KIF27: variants seen among roughly 807,000 people sequenced by gnomAD.
KIF27 encodes the protein kinesin-like protein KIF27.
KIF27 carries 84 observed loss-of-function variants against 141.8 expected under a neutral mutation model. The ratio of observed to expected loss-of-function variants is 0.59; its 90% confidence interval spans 0.50 to 0.71. The LOEUF (loss-of-function observed/expected upper bound fraction) is 0.71, where lower values mean the gene tolerates loss of function less well. Ranked by LOEUF, KIF27 falls within the 30% of genes least tolerant of loss-of-function variation. KIF27 has a pLI of 0.00. For missense variants in KIF27, 1,306 were observed against 1,628.4 expected, an observed-to-expected ratio of 0.80 and a Z score of 3.41; for synonymous variants, 471 against 569.5, an observed-to-expected ratio of 0.83 and a Z score of 2.46.
chr9:83,869,221 T>C (rs1382608251), intron 12 of KIF27, among the ~76,000 whole-genome samples: 1 of 152,150 alleles, frequency 6.6e-6, no homozygotes, highest in Non-Finnish European at 1.5e-5. Flanking sequence ...AGAGAATAAA[T>C]CTTTCTAAAG....
chr9:83,918,647 C>G (rs746629138), intron 1 of KIF27, among the ~76,000 whole-genome samples: 1 of 152,120 alleles, frequency 6.6e-6, no homozygotes. Flanking sequence ...CAATCAAAAT[C>G]ACAATGAGAG....
At chr9:83,841,757 T>C (rs187206476) in intron 17 of KIF27, among the ~76,000 whole-genome samples, 1 of 152,204 alleles carries the variant, frequency 6.6e-6, no homozygotes. Context: ...AATCTACATA[T>C]CTACATATGA....
chr9:83,869,086 TA>T (rs1394488566), intron 12 of KIF27, among the ~76,000 whole-genome samples: 1 of 152,250 alleles, frequency 6.6e-6, no homozygotes, highest in African/African-American at 2.4e-5. Flanking sequence ...AAGCTCCACT[TA>T]AAAGGAAAAA....
Position 83,880,390 on chromosome 9 carries a change from A to G in KIF27, c.2550T>C (p.Tyr850=). The G allele has an allele frequency of 1.2e-6, 2 of 1,601,768 alleles. No individual in the cohort carries two copies. The highest frequency in any genetic ancestry group is 1.4e-5 in the African/African-American group (1 of 72,644). ...ELEQSVDHMK[Y]QKIQLQRKLR... ...GTTTTCTTTGTAGCTGTATCTTTTG[A>G]TATTTCATGTGATCTACACTCTGCT... Residue 850 remains tyrosine (Y), a synonymous_variant, in exon 11 of 18, where the codon TAT becomes TAC. Transcript: ENST00000297814.
rs1221819230 is a variant in KIF27 at position 83,889,292 on chromosome 9, A to G, written c.1810-39T>C. On this transcript the variant is annotated intron_variant, in intron 6 of 17. Coordinates refer to ENST00000297814, the MANE Select transcript of KIF27 (RefSeq NM_017576.4). The stretch of plus-strand genomic sequence containing the variant: ...CCCCCACCCAACAACAAAAAAAGTG[A>G]TATTTTAAAAGTCTAATTTTATCCT... 2.6e-6 allele frequency: 4 copies of G among 1,555,306 alleles called. No homozygotes were observed. The South Asian group carries it at 3.7e-5, about 14-fold the overall frequency.
chr9:83,859,066 A>T, intron 14 of KIF27, 90 bp downstream of exon 14: 1 of 981,586 alleles, frequency 1.0e-6, no homozygotes, highest in African/African-American at 1.6e-5. Flanking sequence ...AGTTTACCAG[A>T]TAATATTTAT....
intron 16 of KIF27, chr9:83,849,607 T>C (rs1467242219): frequency 6.3e-6 from 1 of 159,302 alleles, no homozygotes; most frequent in African/African-American, 2.4e-5. Context: ...TGCCCATCAA[T>C]GGCAGTATAA....
chr9:83,874,758 A>C (rs1248133628), intron 11 of KIF27, among the ~76,000 whole-genome samples: 1 of 151,456 alleles, frequency 6.6e-6, no homozygotes, highest in Non-Finnish European at 1.5e-5. Context: ...ATATAGTAAG[A>C]CCCTATCTCT....
chr9:83,916,578 C>T (rs1041045239), intron 1 of KIF27, among the ~76,000 whole-genome samples: 1 of 151,676 alleles, frequency 6.6e-6, no homozygotes, highest in Non-Finnish European at 1.5e-5. Context: ...AGAATTAATA[C>T]ATTAAAATTT....
At chr9:83,838,174 T>C (rs1464378593) in intron 17 of KIF27, among the ~76,000 whole-genome samples, 1 of 152,034 alleles carries the variant, frequency 6.6e-6, no homozygotes, top group Non-Finnish European at 1.5e-5. Context: ...TGATGAAAAA[T>C]GCCAACTTCA....
chr9:83,871,688 C>T (rs1016648918), intron 11 of KIF27, among the ~76,000 whole-genome samples: 13 of 150,736 alleles, frequency 8.6e-5, no homozygotes, highest in African/African-American at 3.2e-4. Flanking sequence ...TTTCCATCCA[C>T]ATCTTTTTTT....
At chr9:83,853,512 A>G (rs1948841925) in intron 15 of KIF27, 117 bp downstream of exon 15, 5 of 672,286 alleles carry the variant, frequency 7.4e-6, no homozygotes, top group Non-Finnish European at 1.2e-5. Context: ...TTAAATTTGT[A>G]GTTACATCAT....
intron 5 of KIF27, among the ~76,000 whole-genome samples, chr9:83,892,831 A>T (rs1042211516): frequency 6.6e-6 from 1 of 152,232 alleles, no homozygotes; most frequent in Admixed American, 6.5e-5. Context: ...TAAAAGAGCA[A>T]TTCACCAGGA....
chr9:83,842,654 G>T (rs887496628), intron 16 of KIF27, among the ~76,000 whole-genome samples: 1 of 152,084 alleles, frequency 6.6e-6, no homozygotes, highest in African/African-American at 2.4e-5. Flanking sequence ...TTTTAGTAGA[G>T]ATGGGGTTTC....
rs565515365 is a variant in KIF27, at chr9:83,914,482, ATTT to A, written c.298+809_298+811del. 8.5e-5 allele frequency among the ~76,000 whole-genome samples: 13 copies of A among 152,180 alleles called. No individual in the cohort carries two copies. The South Asian group carries it at 2.7e-3, about 32-fold the overall frequency. The stretch of plus-strand genomic sequence containing the variant: ...TAATGAGAGAAGTTTCTTTTTTAAA[ATTT>A]TTTATTTTTTTATTGTTTCAGCTCA... On this transcript the variant is annotated intron_variant, in intron 2 of 17. Coordinates refer to ENST00000297814, the MANE Select transcript of KIF27 (RefSeq NM_017576.4).
intron 14 of KIF27, chr9:83,855,108 C>T (rs1949049269): frequency 6.6e-6 from 1 of 152,066 alleles, no homozygotes; most frequent in Non-Finnish European, 1.5e-5. Context: ...GATCTCAGCT[C>T]ACTGCAACCT....
At chr9:83,911,165 C>G (rs980003138) in intron 2 of KIF27, among the ~76,000 whole-genome samples, 1 of 152,146 alleles carries the variant, frequency 6.6e-6, no homozygotes, top group African/African-American at 2.4e-5. Context: ...CTCCCGGGCT[C>G]AGGCGATCCT....
chr9:83,920,249 T>C (rs1165291830), intron 1 of KIF27, among the ~76,000 whole-genome samples: 1 of 152,110 alleles, frequency 6.6e-6, no homozygotes, highest in African/African-American at 2.4e-5. Flanking sequence ...ATAGTAATGG[T>C]CCACAAACAT....
intron 13 of KIF27, among the ~76,000 whole-genome samples, chr9:83,866,294 A>T (rs1221624023): frequency 6.6e-6 from 1 of 151,940 alleles, no homozygotes; most frequent in Non-Finnish European, 1.5e-5. Context: ...TAAAATGCCC[A>T]TCACATTTCA....
Sources: gnomAD v4.1 joint callset for allele counts (sites outside exome capture counted in the v4.1 genomes callset) on GRCh38, gnomAD v4.1.1 for gene constraint, MANE v1.5 for transcripts, NCBI Gene and HGNC (gene_info 2026-07-23, HGNC 2026-07-21) for gene names.